STK31: variants seen among roughly 807,000 people sequenced by gnomAD.
The protein encoded by STK31 is serine/threonine-protein kinase 31.
A neutral mutation model predicts 129.7 loss-of-function variants in STK31; 89 were observed. That is an observed-to-expected ratio of 0.69 (90% CI 0.58 to 0.82). STK31 has a LOEUF of 0.82. Among genes scored for constraint, STK31 ranks in the 40% least tolerant of loss-of-function variants. The pLI is 0.00. For missense variants in STK31, 1,187 were observed against 1,176.4 expected (o/e 1.01, Z -0.13); for synonymous variants, 448 against 395.3 (o/e 1.13, Z -1.58).
At chr7:23,744,202 G>A (rs1203402490) in intron 8 of STK31, among the ~76,000 whole-genome samples, 1 of 151,392 alleles carries the variant, frequency 6.6e-6, no homozygotes, top group Non-Finnish European at 1.5e-5. Flanking sequence ...TTATAGGCGT[G>A]AGCCATCATG....
In STK31 at chr7:23,737,182, T is replaced by C. The variant is rs1025265085; in HGVS notation, c.1017+104T>C. The stretch of plus-strand genomic sequence containing the variant: ...ACTTTCCTTTCCTTCCCCACCTCAT[T>C]CTCTCCTTTGCTAATCCCTGTATTT... On this transcript the variant is annotated intron_variant, in intron 8 of 23. Transcript: ENST00000355870. 5.6e-6 allele frequency: 6 copies of C among 1,064,690 alleles called. No individual in the cohort carries two copies. In the Admixed American group the frequency reaches 2.1e-4, roughly 38 times the overall value. 66.0% of individuals were successfully genotyped at this position (1,064,690 alleles called of 1,614,324 possible).
chr7:23,778,383 G>A (rs1411435530), intron 15 of STK31, among the ~76,000 whole-genome samples: 1 of 152,142 alleles, frequency 6.6e-6, no homozygotes, highest in South Asian at 2.1e-4. Flanking sequence ...ATGTTGACCT[G>A]TCCTGCTAGG....
rs1267834912 is a variant in STK31 at position 23,712,146 on chromosome 7, G to A, written c.97+1G>A. 2 of 1,613,182 alleles carry A rather than the reference G, an allele frequency of 1.2e-6. No individual in the cohort carries two copies. Among genetic ancestry groups the A allele is most frequent in the Non-Finnish European group, 1.7e-6 (2 of 1,179,230 alleles). On this transcript the variant is annotated splice_donor_variant, in intron 2 of 23. Coordinates refer to ENST00000355870, the MANE Select transcript of STK31 (RefSeq NM_031414.5). LOFTEE classifies it high-confidence loss of function. ...GATGAAGATACACATTACGATAAAG[G>A]TACTGACACTAAAAATTATTTTGGG...
At position 23,735,915 on chromosome 7, in the gene STK31, C is replaced by T. The variant is rs751023390; in HGVS notation, c.842+19C>T. 2.6e-6 allele frequency: 4 copies of T among 1,526,232 alleles called. No individual in the cohort carries two copies. Among genetic ancestry groups the T allele is most frequent in the Non-Finnish European group, 3.5e-6 (4 of 1,132,614 alleles). 94.5% of individuals were successfully genotyped at this position (1,526,232 alleles called of 1,614,324 possible). ...TTCCAAAGTAAGAATTTAGTCTTCACTAATTTCTAATTGATGGTAGAGGTC... is the reference window on the plus strand; with the variant it reads ...TTCCAAAGTAAGAATTTAGTCTTCATTAATTTCTAATTGATGGTAGAGGTC... On this transcript the variant is annotated intron_variant, in intron 7 of 23. Transcript: ENST00000355870.
chr7:23,778,383 G>C (rs1411435530), intron 15 of STK31, among the ~76,000 whole-genome samples: 3 of 152,260 alleles, frequency 2.0e-5, no homozygotes, highest in South Asian at 4.1e-4. Context: ...ATGTTGACCT[G>C]TCCTGCTAGG....
intron 10 of STK31, among the ~76,000 whole-genome samples, chr7:23,762,119 G>A (rs1356925586): frequency 1.3e-5 from 2 of 151,258 alleles, no homozygotes; most frequent in African/African-American, 4.9e-5. Context: ...TACTTTTAGG[G>A]TACATGTGCA....
chr7:23,721,409 A>G (rs1424572859), intron 4 of STK31: 4 of 1,108,822 alleles, frequency 3.6e-6, no homozygotes, highest in Non-Finnish European at 5.4e-6. Context: ...CTCTGGCTTC[A>G]TTGCTTCACT....
At chr7:23,828,024 T>C (rs1396088491) in intron 23 of STK31, among the ~76,000 whole-genome samples, 1 of 152,202 alleles carries the variant, frequency 6.6e-6, no homozygotes, top group Non-Finnish European at 1.5e-5. Flanking sequence ...GCCTCCCAGT[T>C]AGGCTACTCG....
At chr7:23,812,312 A>G (rs889410806) in intron 22 of STK31, among the ~76,000 whole-genome samples, 3 of 151,250 alleles carry the variant, frequency 2.0e-5, no homozygotes, top group African/African-American at 7.3e-5. Context: ...TTTATCATAC[A>G]AGGTAGTATT....
rs763787734 is a variant in STK31 at position 23,783,563 on chromosome 7, C to T, written c.2068-20C>T. 1 of 1,234,264 alleles carries T rather than the reference C, an allele frequency of 8.1e-7. No individual in the cohort carries two copies. Among genetic ancestry groups the T allele is most frequent in the Admixed American group, 2.2e-5 (1 of 46,282 alleles). 76.5% of individuals were successfully genotyped at this position (1,234,264 alleles called of 1,614,324 possible). A position where few individuals can be genotyped will look rare whatever the true frequency, so the allele number is the denominator to read the frequency against. ...ATATATATTGATCTACAGTTAAAAACTTTTTTTTTTTAACTTTAGGAGATG... is the reference window on the plus strand; with the variant it reads ...ATATATATTGATCTACAGTTAAAAATTTTTTTTTTTTAACTTTAGGAGATG... On this transcript the variant is annotated intron_variant, in intron 16 of 23. Coordinates refer to ENST00000355870, the MANE Select transcript of STK31 (RefSeq NM_031414.5).
At chr7:23,733,044 A>AATTGATATAATAT (rs1178493390) in intron 6 of STK31, among the ~76,000 whole-genome samples, 1 of 152,132 alleles carries the variant, frequency 6.6e-6, no homozygotes, top group African/African-American at 2.4e-5. Context: ...ATACTGATAT[A>AATTGATATAATAT]ATTGATATAA....
chr7:23,721,932 A>C (rs1268274771), intron 4 of STK31: 1 of 359,660 alleles, frequency 2.8e-6, no homozygotes, highest in African/African-American at 2.1e-5. Flanking sequence ...CCATCAGGTC[A>C]TTAAGGACTT....
chr7:23,770,083 T>C (rs936499653), intron 13 of STK31, among the ~76,000 whole-genome samples: 1 of 152,196 alleles, frequency 6.6e-6, no homozygotes, highest in Admixed American at 6.5e-5. Flanking sequence ...ACCAAATGAC[T>C]ATAAGAAGAG....
At chr7:23,747,001 G>T (rs1371137584) in intron 8 of STK31, among the ~76,000 whole-genome samples, 1 of 151,992 alleles carries the variant, frequency 6.6e-6, no homozygotes, top group Non-Finnish European at 1.5e-5. Flanking sequence ...TTTGTAAGTG[G>T]ATCTGTGCAG....
intron 7 of STK31, among the ~76,000 whole-genome samples, chr7:23,736,685 T>C (rs905026845): frequency 6.6e-6 from 1 of 152,196 alleles, no homozygotes; most frequent in Non-Finnish European, 1.5e-5. Context: ...TGGAATATTT[T>C]TTTTTGAGAA....
At position 23,832,434 on chromosome 7, in the gene STK31, T is replaced by C; in HGVS notation, c.*68T>C. The C allele has an allele frequency of 8.8e-7, 1 of 1,141,354 alleles. No homozygotes were observed. The highest frequency in any genetic ancestry group is 1.4e-5 in the South Asian group (1 of 69,318). 70.7% of individuals were successfully genotyped at this position (1,141,354 alleles called of 1,614,324 possible). A position where few individuals can be genotyped will look rare whatever the true frequency, so the allele number is the denominator to read the frequency against. On this transcript the variant is annotated 3_prime_UTR_variant, in exon 24 of 24. Coordinates refer to ENST00000355870, the MANE Select transcript of STK31 (RefSeq NM_031414.5). ...GGTTTGGTTAATACACAGAAATATC[T>C]AGAAATGTTCTGGGACTAGTTGAGT...
At position 23,710,252 on chromosome 7, in the gene STK31, T is replaced by C. The variant is rs1785843415; in HGVS notation, c.-34T>C. On this transcript the variant is annotated 5_prime_UTR_variant, in exon 1 of 24. Transcript: ENST00000355870. Reference sequence around the variant, plus strand: ...AGCTCACGCGGTAAGCCGCTGCACGTGTGCTACGGCGGGCGGAGGGCCGAA... The same window carrying C: ...AGCTCACGCGGTAAGCCGCTGCACGCGTGCTACGGCGGGCGGAGGGCCGAA... The C allele has an allele frequency of 6.2e-7, 1 of 1,612,264 alleles. No individual in the cohort carries two copies. Among genetic ancestry groups the C allele is most frequent in the Admixed American group, 1.7e-5 (1 of 60,002 alleles).
At chr7:23,710,136 G>A (rs538366449), upstream of STK31, 34 of 1,390,316 alleles carry the variant, frequency 2.4e-5, no homozygotes, top group Non-Finnish European at 2.8e-5. Flanking sequence ...CTTCCTAGGC[G>A]GCAGGCCGTG....
chr7:23,754,296 T>G lies in STK31; in HGVS notation c.1134-19T>G. ...TTCTAATTTATTGATCTTCTTCTTT[T>G]TGATGTTTTTAAAAATAGGCATGTC... is the stretch of plus-strand genomic sequence containing the variant. On this transcript the variant is annotated intron_variant, in intron 9 of 23. Transcript: ENST00000355870. 1 of 1,598,908 alleles carries G rather than the reference T, an allele frequency of 6.3e-7. No individual in the cohort carries two copies. The highest frequency in any genetic ancestry group is 8.5e-7 in the Non-Finnish European group (1 of 1,175,886).
Sources: gnomAD v4.1 joint callset for allele counts (sites outside exome capture counted in the v4.1 genomes callset) on GRCh38, gnomAD v4.1.1 for gene constraint, MANE v1.5 for transcripts, NCBI Gene and HGNC (gene_info 2026-07-23, HGNC 2026-07-21) for gene names.